The following TMOD3 variants were observed in gnomAD, a reference collection of about 807,000 sequenced individuals.
TMOD3 encodes the protein tropomodulin-3.
TMOD3 carries 20 observed loss-of-function variants against 39.2 expected under a neutral mutation model. The observed-to-expected ratio is 0.51, with a 90% CI of 0.36 to 0.74. TMOD3 has a LOEUF of 0.74. Among genes scored for constraint, TMOD3 ranks in the 30% least tolerant of loss-of-function variants. TMOD3 has a pLI of 0.00. For missense variants in TMOD3, 381 were observed against 412.8 expected (o/e 0.92, Z 0.67); for synonymous variants, 143 against 145.8 (o/e 0.98, Z 0.14).
At chr15:51,886,404 T>C (rs2056563655) in intron 3 of TMOD3, among the ~76,000 whole-genome samples, 1 of 152,222 alleles carries the variant, frequency 6.6e-6, no homozygotes, top group Admixed American at 6.5e-5. Context: ...CGAGACTCCG[T>C]CTGCAATCCC....
chr15:51,908,443 A>G lies in TMOD3; in HGVS notation c.1025-333A>G, dbSNP rs187274763. Among the ~76,000 whole-genome samples the G allele has an allele frequency of 1.6e-3, 240 of 152,312 alleles. 9 individuals are homozygous for G. The highest frequency in any genetic ancestry group is 9.3e-3 in the East Asian group (48 of 5,180). ...ATAAATTACAAAGTTAAAAATAAAC[A>G]AAAACAAATGACTTGTAGATGATTG... is the stretch of plus-strand genomic sequence containing the variant. On this transcript the variant is annotated intron_variant, in intron 9 of 9. Coordinates refer to ENST00000308580, the MANE Select transcript of TMOD3 (RefSeq NM_014547.5).
chr15:51,902,256 T>G (rs1314168740), intron 9 of TMOD3, among the ~76,000 whole-genome samples: 1 of 152,184 alleles, frequency 6.6e-6, no homozygotes, highest in African/African-American at 2.4e-5. Flanking sequence ...GACAAGCGTA[T>G]TTCATAGTTT....
At chr15:51,864,662 T>C (rs2056436116) in intron 2 of TMOD3, among the ~76,000 whole-genome samples, 2 of 152,022 alleles carry the variant, frequency 1.3e-5, no homozygotes, top group Non-Finnish European at 1.5e-5. Flanking sequence ...TGGGAATGAA[T>C]GGGTGAGTCA....
At chr15:51,879,256 A>G (rs919087932) in intron 3 of TMOD3, among the ~76,000 whole-genome samples, 1 of 152,102 alleles carries the variant, frequency 6.6e-6, no homozygotes, top group African/African-American at 2.4e-5. Flanking sequence ...ACATTGCTAA[A>G]CTGTTTCAAC....
chr15:51,843,752 A>C (rs2056323322), intron 1 of TMOD3, among the ~76,000 whole-genome samples: 1 of 152,152 alleles, frequency 6.6e-6, no homozygotes, highest in African/African-American at 2.4e-5. Context: ...GTTTTGAGAA[A>C]ACATACCCCA....
intron 2 of TMOD3, among the ~76,000 whole-genome samples, chr15:51,864,544 T>G (rs1416090744): frequency 6.6e-6 from 1 of 151,702 alleles, no homozygotes; most frequent in African/African-American, 2.4e-5. Flanking sequence ...GTTCCAAGAG[T>G]AGGAGGCACA....
At chr15:51,838,308 A>G (rs953263037) in intron 1 of TMOD3, among the ~76,000 whole-genome samples, 3 of 152,150 alleles carry the variant, frequency 2.0e-5, no homozygotes, top group Non-Finnish European at 4.4e-5. Flanking sequence ...TTTGGCAGTT[A>G]ATTATATATT....
At position 51,906,212 on chromosome 15, in the gene TMOD3, T is replaced by C. The variant is rs116885916; in HGVS notation, c.1025-2564T>C. Among the ~76,000 whole-genome samples, 672 of 152,276 alleles carry C rather than the reference T, an allele frequency of 4.4e-3. 2 individuals carry two copies. Among genetic ancestry groups the C allele is most frequent in the Non-Finnish European group, 6.4e-3 (433 of 68,028 alleles). The stretch of plus-strand genomic sequence containing the variant: ...GCTGTATACTCTGACCTCTGCCTAA[T>C]AGATAAAGATTGAAAAGCCTGAAGA... On this transcript the variant is annotated intron_variant, in intron 9 of 9. Transcript: ENST00000308580.
At chr15:51,894,006 G>A in intron 6 of TMOD3, 61 bp downstream of exon 6, 1 of 1,402,162 alleles carries the variant, frequency 7.1e-7, no homozygotes. Context: ...TAGGATGAGA[G>A]CTGGGCAGTT....
At chr15:51,876,094 T>A (rs1431533481) in intron 3 of TMOD3, among the ~76,000 whole-genome samples, 2 of 152,220 alleles carry the variant, frequency 1.3e-5, no homozygotes, top group Non-Finnish European at 2.9e-5. Context: ...ATAGAGCCTA[T>A]CTTTCTTTAT....
At chr15:51,908,637 G>A (rs1334395928) in intron 9 of TMOD3, 139 bp from the exon 10 acceptor site, 3 of 453,282 alleles carry the variant, frequency 6.6e-6, no homozygotes, top group Non-Finnish European at 1.1e-5. Context: ...TTAATTAGTG[G>A]TCATGTGAAC....
chr15:51,849,936 T>TAA (rs112985288), intron 1 of TMOD3, among the ~76,000 whole-genome samples: 78 of 106,414 alleles, frequency 7.3e-4, no homozygotes, highest in African/African-American at 2.3e-3. Flanking sequence ...TCTGTCTCAA[T>TAA]AAAAAAAAAA....
rs748750290 is a variant in TMOD3 at position 51,862,975 on chromosome 15, CAACTGGA to C, written c.97_103del (p.Glu33PhefsTer85). On this transcript the variant is annotated frameshift_variant, in exon 2 of 10. Transcript: ENST00000308580. LOFTEE classifies it high-confidence loss of function. ...GAATCTGTCAGAAACAGAACTGAAA[CAACTGGA>C]AACTGTTTTGGATGATCTTGACCCC... 6.2e-7 allele frequency: 1 copy of C among 1,613,986 alleles called. No homozygotes were observed. Among genetic ancestry groups the C allele is most frequent in the Admixed American group, 1.7e-5 (1 of 60,004 alleles).
chr15:51,863,138 A>T (rs576484573), intron 2 of TMOD3, 128 bp downstream of exon 2: 1 of 983,496 alleles, frequency 1.0e-6, no homozygotes, highest in South Asian at 1.8e-5. Context: ...TATCCAAATC[A>T]AGTTGCTTTT....
At chr15:51,903,943 A>G (rs2141709921) in intron 9 of TMOD3, among the ~76,000 whole-genome samples, 1 of 152,334 alleles carries the variant, frequency 6.6e-6, no homozygotes, top group Middle Eastern at 3.4e-3. Flanking sequence ...TTAGTGCGCT[A>G]CACAGCCACG....
At chr15:51,844,266 T>G (rs569014427) in intron 1 of TMOD3, among the ~76,000 whole-genome samples, 2 of 152,268 alleles carry the variant, frequency 1.3e-5, no homozygotes, top group South Asian at 4.2e-4. Flanking sequence ...ATTGTTTAGA[T>G]TTGGAAGGAC....
chr15:51,830,629 A>G (rs921799621), intron 1 of TMOD3, among the ~76,000 whole-genome samples: 9 of 152,208 alleles, frequency 5.9e-5, no homozygotes, highest in Non-Finnish European at 1.0e-4. Flanking sequence ...TTACCCCAGG[A>G]GGCCATACTT....
chr15:51,871,698 C>A (rs115912081), intron 3 of TMOD3, among the ~76,000 whole-genome samples: 1,958 of 152,138 alleles, frequency 0.013, 42 homozygotes, highest in African/African-American at 0.045. Flanking sequence ...TAAGAAAATA[C>A]AAGAGGGGGA....
chr15:51,848,608 A>T (rs1333320272), intron 1 of TMOD3, among the ~76,000 whole-genome samples: 2 of 152,224 alleles, frequency 1.3e-5, no homozygotes, highest in African/African-American at 4.8e-5. Context: ...ATTGAAGCAG[A>T]TACTTGGGAA....
Sources: allele counts gnomAD v4.1 joint callset (sites outside exome capture counted in the v4.1 genomes callset), GRCh38; gene constraint gnomAD v4.1.1; transcripts MANE v1.5; gene names NCBI Gene and HGNC (gene_info 2026-07-23, HGNC 2026-07-21).